NIP7: variants seen among roughly 807,000 people sequenced by gnomAD.
NIP7 encodes nucleolar pre-rRNA processing protein NIP7, also known as 60S ribosome subunit biogenesis protein NIP7 homolog.
In NIP7, 12 loss-of-function variants were observed where a neutral mutation model predicts 20.1. That is an observed-to-expected ratio of 0.60 (90% CI 0.38 to 0.97). NIP7 has a LOEUF of 0.97. Ranked by LOEUF, NIP7 falls within the 50% of genes least tolerant of loss-of-function variation. NIP7 has a pLI of 0.00. For missense variants in NIP7, 226 were observed against 226.6 expected, an observed-to-expected ratio of 1.00 and a Z score of 0.02; for synonymous variants, 103 against 87.2, an observed-to-expected ratio of 1.18 and a Z score of -1.01.
In NIP7 at chr16:69,341,648, C is replaced by G. The variant is rs756246125; in HGVS notation, c.539C>G (p.Thr180Ser). ...TATGTGCGGCATGAAGAGACGTTGA[C>G]TTAAAACGAAGCCATTCCAAGGACA... is the stretch of plus-strand genomic sequence containing the variant. ...GEYVRHEETLT is the reference protein window; with the variant it reads ...GEYVRHEETLS The change falls in exon 5 of 5, where the codon ACT becomes AGT. Residue 180 changes from threonine (T) to serine (S), a missense_variant. Physicochemically the swap from Thr to Ser is moderately conservative, Grantham distance 58. Transcript: ENST00000254940. 5.0e-6 allele frequency: 8 copies of G among 1,614,024 alleles called. No individual in the cohort carries two copies. The Admixed American group carries it at 1.3e-4, about 27-fold the overall frequency.
chr16:69,341,122 T>C, intron 3 of NIP7, 58 bp from the exon 4 acceptor site: 2 of 1,429,102 alleles, frequency 1.4e-6, no homozygotes, highest in Non-Finnish European at 1.9e-6. Flanking sequence ...AGCTAGCTTG[T>C]CTGCATGGAT....
In NIP7 at chr16:69,342,115, T is replaced by G. The variant is rs920828011; in HGVS notation, c.*463T>G. 6.5e-6 allele frequency: 1 copy of G among 154,178 alleles called. No homozygotes were observed. Among genetic ancestry groups the G allele is most frequent in the African/African-American group, 2.4e-5 (1 of 41,460 alleles). 9.6% of individuals were successfully genotyped at this position (154,178 alleles called of 1,614,324 possible). A position where few individuals can be genotyped will look rare whatever the true frequency, so the allele number is the denominator to read the frequency against. ...ATTCAGCTATTTTTCTATACAGTAA[T>G]TGGTGTGTGGTATAGAAGAAAAACG... On this transcript the variant is annotated 3_prime_UTR_variant, in exon 5 of 5. Transcript: ENST00000254940.
chr16:69,340,388 A>T (rs1161108915), intron 3 of NIP7, 56 bp downstream of exon 3: 2 of 1,586,482 alleles, frequency 1.3e-6, no homozygotes, highest in East Asian at 2.2e-5. Context: ...GATTAGGCAG[A>T]TTGTCCGGCA....
chr16:69,339,837 C>T lies in NIP7; in HGVS notation c.8C>T (p.Pro3Leu), dbSNP rs2142665662. Residue 3 changes from proline to leucine, a missense_variant, in exon 1 of 5, where the codon CCT becomes CTT. By Grantham distance (98) the Pro-to-Leu change is moderately conservative (BLOSUM62 -3). Transcript: ENST00000254940. MRPLTEEETRVMF... is the reference protein window; with the variant it reads MRLLTEEETRVMF... ...TCCAACCCAGGGGGAAAAATGCGGC[C>T]TTTGACTGAAGAGGAGACCCGTGTC... 6.2e-7 allele frequency: 1 copy of T among 1,613,158 alleles called. No homozygotes were observed. Among genetic ancestry groups the T allele is most frequent in the Non-Finnish European group, 8.5e-7 (1 of 1,180,042 alleles).
intron 2 of NIP7, 45 bp downstream of exon 2, chr16:69,340,137 T>A (rs892200150): frequency 5.0e-6 from 8 of 1,611,368 alleles, no homozygotes; most frequent in Non-Finnish European, 6.8e-6. Flanking sequence ...GGGAGAGGGG[T>A]CCTGGGTCCC....
rs1298568300 is a variant in NIP7, at chr16:69,341,771, CTTA to C, written c.*122_*124del. 1 of 1,193,156 alleles carries C rather than the reference CTTA, an allele frequency of 8.4e-7. No homozygotes were observed. Among genetic ancestry groups the C allele is most frequent in the African/African-American group, 1.5e-5 (1 of 65,866 alleles). 73.9% of individuals were successfully genotyped at this position (1,193,156 alleles called of 1,614,324 possible). On this transcript the variant is annotated 3_prime_UTR_variant, in exon 5 of 5. Coordinates refer to ENST00000254940, the MANE Select transcript of NIP7 (RefSeq NM_016101.5). ...AACACTCTGGCCTCTTCAGGGACTT[CTTA>C]TTTACTGTACTCTCTATCACTGACA...
Position 69,340,283 on chromosome 16 carries a change from A to C in NIP7, c.233A>C (p.Lys78Thr), listed in dbSNP as rs777185521. 1.2e-6 allele frequency: 2 copies of C among 1,614,030 alleles called. No individual in the cohort carries two copies. Among genetic ancestry groups the C allele is most frequent in the Admixed American group, 1.7e-5 (1 of 60,002 alleles). ...TCFGKFTKTH[K>T]FRLHVTALDY... is the part of the protein sequence containing the mutation. Reference sequence around the variant, plus strand: ...TTTGGAAAATTCACTAAAACCCACAAGTTTCGGTTGCACGTCACAGCTCTG... The same window carrying C: ...TTTGGAAAATTCACTAAAACCCACACGTTTCGGTTGCACGTCACAGCTCTG... Residue 78 changes from lysine to threonine, a missense_variant, in exon 3 of 5, where the codon AAG becomes ACG. Coordinates refer to ENST00000254940, the MANE Select transcript of NIP7 (RefSeq NM_016101.5).
In NIP7 at chr16:69,340,016, A is replaced by G. The variant is rs372787585; in HGVS notation, c.67A>G (p.Asn23Asp). ...FEKIAKYIGENLQLLVDRPDG... is the reference protein window; with the variant it reads ...FEKIAKYIGEDLQLLVDRPDG... ...TCTTTTTGCCCTCAGCATTGGGGAG[A>G]ATCTTCAACTGCTGGTGGACCGGCC... Residue 23 changes from asparagine to aspartate, a missense_variant, in exon 2 of 5, where the codon AAT becomes GAT. Asn to Asp is a conservative substitution (Grantham distance 23). Transcript: ENST00000254940. 4.8e-5 allele frequency: 77 copies of G among 1,613,732 alleles called. No homozygotes were observed. Among genetic ancestry groups the G allele is most frequent in the Non-Finnish European group, 6.4e-5 (75 of 1,179,990 alleles).
chr16:69,341,413 G>A, intron 4 of NIP7, 93 bp downstream of exon 4: 1 of 1,569,894 alleles, frequency 6.4e-7, no homozygotes, highest in Non-Finnish European at 8.7e-7. Context: ...TAAATTCTCA[G>A]CACGTTTTGA....
Position 69,341,363 on chromosome 16 carries a change from T to C in NIP7, c.423+43T>C, listed in dbSNP as rs1271809086. 8 of 1,605,836 alleles carry C rather than the reference T, an allele frequency of 5.0e-6. No individual in the cohort carries two copies. In the Admixed American group the frequency reaches 1.0e-4, roughly 20 times the overall value. ...CTGTTACAGAACTCAAGTACTCTTATTCAAGAAGGGTATGTCTTCAATCTG... is the reference window on the plus strand; with the variant it reads ...CTGTTACAGAACTCAAGTACTCTTACTCAAGAAGGGTATGTCTTCAATCTG... On this transcript the variant is annotated intron_variant, in intron 4 of 4. Coordinates refer to ENST00000254940, the MANE Select transcript of NIP7 (RefSeq NM_016101.5).
intron 3 of NIP7, chr16:69,340,725 C>T (rs752458903): frequency 5.8e-5 from 12 of 208,192 alleles, no homozygotes; most frequent in Non-Finnish European, 1.2e-4. Flanking sequence ...CTTTTCATTT[C>T]TCTTTCTCTT....
At chr16:69,340,536 C>T (rs930083214) in intron 3 of NIP7, 106 of 650,188 alleles carry the variant, frequency 1.6e-4, no homozygotes, top group Non-Finnish European at 1.8e-4. Context: ...TAGTTTTCTC[C>T]AGCGAAGTAG....
At position 69,339,798 on chromosome 16, in the gene NIP7, C is replaced by T. The variant is rs1006032107; in HGVS notation, c.-32C>T. The T allele has an allele frequency of 1.9e-6, 3 of 1,611,082 alleles. No individual in the cohort carries two copies. Among genetic ancestry groups the T allele is most frequent in the South Asian group, 1.1e-5 (1 of 90,954 alleles). ...ACTTCCGTTTCCAGTTACCAAGGCA[C>T]GAGGATCCGGTGTTCCAACCCAGGG... On this transcript the variant is annotated 5_prime_UTR_variant, in exon 1 of 5. It adds an upstream start codon to the 5' untranslated region. Coordinates refer to ENST00000254940, the MANE Select transcript of NIP7 (RefSeq NM_016101.5).
At chr16:69,341,007 C>T (rs1193544880) in intron 3 of NIP7, 173 bp from the exon 4 acceptor site, 11 of 605,088 alleles carry the variant, frequency 1.8e-5, no homozygotes, top group Middle Eastern at 4.6e-4. Context: ...GCCACTGCAC[C>T]GGGCAACTTC....
chr16:69,339,880 G>T lies in NIP7; in HGVS notation c.51G>T (p.Ala17=), dbSNP rs776322639. 1.3e-5 allele frequency: 21 copies of T among 1,614,018 alleles called. No homozygotes were observed. The highest frequency in any genetic ancestry group is 8.3e-5 in the Admixed American group (5 of 60,000). Residue 17 remains alanine, a synonymous_variant, in exon 1 of 5, where the codon GCG becomes GCT. Coordinates refer to ENST00000254940, the MANE Select transcript of NIP7 (RefSeq NM_016101.5). ...EETRVMFEKI[A]KYIGENLQLL... ...CCCGTGTCATGTTTGAGAAGATAGC[G>T]AAATAGTAGGAGCGCGCGGGGCGGA...
intron 4 of NIP7, 97 bp downstream of exon 4, chr16:69,341,417 G>A (rs2012547581): frequency 2.5e-6 from 4 of 1,569,814 alleles, no homozygotes; most frequent in Admixed American, 1.8e-5. Context: ...TTCTCAGCAC[G>A]TTTTGAATCC....
intron 3 of NIP7, 192 bp downstream of exon 3, chr16:69,340,524 G>A (rs1162747738): frequency 1.0e-4 from 72 of 699,628 alleles, no homozygotes; most frequent in Non-Finnish European, 2.8e-5. Context: ...GCTGCGTAGG[G>A]TTAGTTTTCT....
rs940635043 is a variant in NIP7, at chr16:69,342,109, C to T, written c.*457C>T. 6.5e-6 allele frequency: 1 copy of T among 154,396 alleles called. No individual in the cohort carries two copies. The highest frequency in any genetic ancestry group is 2.4e-5 in the African/African-American group (1 of 41,422). 9.6% of individuals were successfully genotyped at this position (154,396 alleles called of 1,614,324 possible). On this transcript the variant is annotated 3_prime_UTR_variant, in exon 5 of 5. Transcript: ENST00000254940. ...GGAGCAATTCAGCTATTTTTCTATA[C>T]AGTAATTGGTGTGTGGTATAGAAGA...
intron 3 of NIP7, 119 bp downstream of exon 3, chr16:69,340,451 G>T: frequency 7.9e-7 from 1 of 1,273,568 alleles, no homozygotes; most frequent in Non-Finnish European, 1.1e-6. Flanking sequence ...TTCAGCACAT[G>T]GAGATGTGTA....
Sources: allele counts gnomAD v4.1 joint callset, GRCh38; gene constraint gnomAD v4.1.1; transcripts MANE v1.5; gene names NCBI Gene and HGNC (gene_info 2026-07-23, HGNC 2026-07-21).